Variants in SETBP1 observed in about 807,000 individuals in gnomAD.
The protein encoded by SETBP1 is SET-binding protein.
A neutral mutation model predicts 101.0 loss-of-function variants in SETBP1; 9 were observed. The ratio of observed to expected loss-of-function variants is 0.09; its 90% CI spans 0.05 to 0.16. SETBP1 has a LOEUF of 0.16. Among genes scored for constraint, SETBP1 ranks in the 10% least tolerant of loss-of-function variants. The pLI is 1.00. For missense variants in SETBP1, 1,858 were observed against 2,033.8 expected, an observed-to-expected ratio of 0.91 and a Z score of 1.66; for synonymous variants, 818 against 788.5, an observed-to-expected ratio of 1.04 and a Z score of -0.63.
chr18:44,815,332 C>A (rs1473235532), intron 2 of SETBP1, among the ~76,000 whole-genome samples: 3 of 152,178 alleles, frequency 2.0e-5, no homozygotes, highest in African/African-American at 7.2e-5. Context: ...GAATTATCAG[C>A]AGGAGTTTTG....
At position 44,993,719 on chromosome 18, in the gene SETBP1, C is replaced by G. The variant is rs566015591; in HGVS notation, c.4000+40379C>G. Among the ~76,000 whole-genome samples, 91 of 151,968 alleles carry G rather than the reference C, an allele frequency of 6.0e-4. 1 individual carries two copies. The highest frequency in any genetic ancestry group is 3.5e-3 in the Middle Eastern group (1 of 284). ...CTATAGATTTTAATGAAATTCCAGT[C>G]AAAATTTCAACAAGCAGATTTGGAA... On this transcript the variant is annotated intron_variant, in intron 4 of 5. Transcript: ENST00000649279.
chr18:44,801,279 T>TA (rs113899301), intron 2 of SETBP1, among the ~76,000 whole-genome samples: 37 of 148,770 alleles, frequency 2.5e-4, no homozygotes, highest in Non-Finnish European at 2.7e-4. Flanking sequence ...TTAAAGTATT[T>TA]AAAAAAAAAA....
chr18:44,767,221 A>T (rs917161981), intron 2 of SETBP1, among the ~76,000 whole-genome samples: 5 of 152,234 alleles, frequency 3.3e-5, no homozygotes, highest in Non-Finnish European at 5.9e-5. Context: ...GCTCATCTGC[A>T]TGGCCATTGT....
chr18:44,964,140 C>T (rs1011124158), intron 4 of SETBP1, among the ~76,000 whole-genome samples: 3 of 152,190 alleles, frequency 2.0e-5, no homozygotes, highest in East Asian at 1.9e-4. Flanking sequence ...CTATCTGTCA[C>T]GTCTTATATT....
chr18:45,004,503 T>A (rs2072684323), intron 4 of SETBP1, among the ~76,000 whole-genome samples: 1 of 152,124 alleles, frequency 6.6e-6, no homozygotes. Context: ...AGTAGAAGAG[T>A]CTCTTCTGTT....
chr18:44,732,049 C>A (rs919230698), intron 2 of SETBP1, among the ~76,000 whole-genome samples: 1 of 152,036 alleles, frequency 6.6e-6, no homozygotes, highest in African/African-American at 2.4e-5. Context: ...GGTGCATGTT[C>A]TCAGTTTTTG....
rs535290546 is a variant in SETBP1, at chr18:44,816,271, A to G, written c.487-52959A>G. 1.1e-4 allele frequency among the ~76,000 whole-genome samples: 17 copies of G among 152,242 alleles called. No homozygotes were observed. In the East Asian group the frequency reaches 3.3e-3, roughly 29 times the overall value. ...AGGAGGTTTAGGGCAGACCCCTGAG[A>G]GGAGAGCGAAGGGGAGGGGCTGTGT... On this transcript the variant is annotated intron_variant, in intron 2 of 5. Transcript: ENST00000649279.
chr18:44,847,684 T>A (rs2072751997), intron 2 of SETBP1, among the ~76,000 whole-genome samples: 1 of 152,174 alleles, frequency 6.6e-6, no homozygotes. Flanking sequence ...CTTCTGGAGT[T>A]TCCACTGAAA....
chr18:44,781,815 G>A (rs1466342486), intron 2 of SETBP1, among the ~76,000 whole-genome samples: 1 of 152,168 alleles, frequency 6.6e-6, no homozygotes, highest in Non-Finnish European at 1.5e-5. Flanking sequence ...CCAAGCTGCA[G>A]TTTCTTGATA....
intron 3 of SETBP1, among the ~76,000 whole-genome samples, chr18:44,881,992 G>A (rs933992755): frequency 7.9e-5 from 12 of 152,142 alleles, no homozygotes; most frequent in Admixed American, 5.9e-4. Flanking sequence ...AGCTCTGGGC[G>A]GAGAGACTTG....
At chr18:45,043,280 C>T (rs1178922805) in intron 5 of SETBP1, among the ~76,000 whole-genome samples, 1 of 151,974 alleles carries the variant, frequency 6.6e-6, no homozygotes, top group African/African-American at 2.4e-5. Context: ...AACATCAAGG[C>T]AACAAAATCT....
At chr18:44,684,204 G>A (rs1448174275) in intron 1 of SETBP1, among the ~76,000 whole-genome samples, 1 of 152,112 alleles carries the variant, frequency 6.6e-6, no homozygotes, top group Non-Finnish European at 1.5e-5. Context: ...AAAATGTTTT[G>A]GGCCATAAGT....
intron 2 of SETBP1, among the ~76,000 whole-genome samples, chr18:44,824,335 C>G (rs2072185752): frequency 6.6e-6 from 1 of 152,178 alleles, no homozygotes; most frequent in East Asian, 1.9e-4. Flanking sequence ...GCACTCTACC[C>G]TGATACCTGC....
chr18:44,815,703 G>T (rs80305876), intron 2 of SETBP1, among the ~76,000 whole-genome samples: 1 of 152,148 alleles, frequency 6.6e-6, no homozygotes. Flanking sequence ...AGCTGCTCTC[G>T]TCAACCAACA....
intron 2 of SETBP1, among the ~76,000 whole-genome samples, chr18:44,849,537 C>T (rs1437101286): frequency 6.6e-6 from 1 of 152,108 alleles, no homozygotes; most frequent in Non-Finnish European, 1.5e-5. Context: ...AGTGAGCAAG[C>T]GGTGAGGTGG....
intron 4 of SETBP1, among the ~76,000 whole-genome samples, chr18:45,018,498 G>A (rs954018): frequency 0.38 from 57,074 of 152,016 alleles, 11,507 homozygotes; most frequent in East Asian, 0.53. Flanking sequence ...CATATGAGAA[G>A]TATATGACAT....
At chr18:45,012,296 T>G (rs895335288) in intron 4 of SETBP1, among the ~76,000 whole-genome samples, 2 of 152,076 alleles carry the variant, frequency 1.3e-5, no homozygotes, top group Admixed American at 1.3e-4. Context: ...AAACCTGTAT[T>G]GTGGTTATCA....
chr18:44,869,241 C>T lies in SETBP1; in HGVS notation c.498C>T (p.Ala166=), dbSNP rs759509737. ...TTATTCTTTTGCAGCTCCTCACAGC[C>T]AGTGACCTTGCAGCCAGTGACCTCA... is the stretch of plus-strand genomic sequence containing the variant. ...RSHSKKKLLT[A]SDLAASDLKG... is the part of the protein sequence containing the mutation. The change falls in exon 3 of 6, where the codon GCC becomes GCT. Residue 166 remains alanine (A), a synonymous_variant. Transcript: ENST00000649279. The T allele has an allele frequency of 3.1e-6, 5 of 1,613,932 alleles. No homozygotes were observed. Among genetic ancestry groups the T allele is most frequent in the Non-Finnish European group, 4.2e-6 (5 of 1,179,920 alleles).
At chr18:44,772,485 G>A (rs1258937567) in intron 2 of SETBP1, among the ~76,000 whole-genome samples, 4 of 152,158 alleles carry the variant, frequency 2.6e-5, no homozygotes, top group Non-Finnish European at 4.4e-5. Context: ...GAATGCTGGT[G>A]CCCGTCAGGG....
Sources: gnomAD v4.1 joint callset for allele counts (sites outside exome capture counted in the v4.1 genomes callset) on GRCh38, gnomAD v4.1.1 for gene constraint, MANE v1.5 for transcripts, NCBI Gene and HGNC (gene_info 2026-07-23, HGNC 2026-07-21) for gene names.